WWOX: variants seen among roughly 807,000 people sequenced by gnomAD.
WWOX encodes the protein WW domain containing oxidoreductase.
WWOX carries 69 observed loss-of-function variants against 46.2 expected under a neutral mutation model. The ratio of observed to expected loss-of-function variants is 1.49; its 90% CI spans 1.23 to 1.82. WWOX has a LOEUF of 1.82. Ranked by LOEUF, WWOX falls within the 40% of genes most tolerant of loss-of-function variation. The probability of loss-of-function intolerance (pLI) is 0.00; values close to 1 mark genes in which losing one functional copy is unlikely to be tolerated. For missense variants in WWOX, 919 were observed against 542.6 expected (o/e 1.69, Z -6.89); for synonymous variants, 359 against 202.6 (o/e 1.77, Z -6.56).
chr16:78,561,485 T>A (rs1014731320), intron 8 of WWOX, among the ~76,000 whole-genome samples: 1 of 152,120 alleles, frequency 6.6e-6, no homozygotes, highest in Non-Finnish European at 1.5e-5. Context: ...TGACAGTACC[T>A]AGAGTATGAA....
chr16:78,802,915 G>GA lies in WWOX; in HGVS notation c.1056+370190dup, dbSNP rs71376394. On this transcript the variant is annotated intron_variant, in intron 8 of 8. Transcript: ENST00000566780. ...TGGGTCACAGAGCAAGACTTCATCT[G>GA]AAAAAAAAAAAAAAAAAAAAAAAAA... Among the ~76,000 whole-genome samples, 65 of 10,436 alleles carry GA rather than the reference G, an allele frequency of 6.2e-3. 7 individuals are homozygous for GA. The highest frequency in any genetic ancestry group is 0.013 in the East Asian group (5 of 398). The allele number at this position is 10,436 out of a possible 152,430, so 6.8% of individuals were successfully genotyped here.
intron 8 of WWOX, among the ~76,000 whole-genome samples, chr16:79,189,325 G>T (rs1425159394): frequency 6.6e-6 from 1 of 151,342 alleles, no homozygotes; most frequent in African/African-American, 2.4e-5. Context: ...TGTCACCATT[G>T]TGGCTCACTG....
At chr16:78,571,645 G>T (rs915736893) in intron 8 of WWOX, among the ~76,000 whole-genome samples, 1 of 152,136 alleles carries the variant, frequency 6.6e-6, no homozygotes, top group South Asian at 2.1e-4. Context: ...AAGGCAGGTG[G>T]ATTACTTGAG....
chr16:78,246,429 A>G (rs189004145), intron 5 of WWOX, among the ~76,000 whole-genome samples: 4 of 152,114 alleles, frequency 2.6e-5, no homozygotes, highest in African/African-American at 4.8e-5. Context: ...TACTGCTAAT[A>G]TATTCTTTAA....
At chr16:79,054,510 GA>G (rs1286457660) in intron 8 of WWOX, among the ~76,000 whole-genome samples, 1 of 152,072 alleles carries the variant, frequency 6.6e-6, no homozygotes, top group Non-Finnish European at 1.5e-5. Context: ...TTAATTTCTG[GA>G]ACTAATTACA....
chr16:78,984,816 C>T (rs905216074), intron 8 of WWOX, among the ~76,000 whole-genome samples: 5 of 152,084 alleles, frequency 3.3e-5, no homozygotes, highest in African/African-American at 9.7e-5. Context: ...AGGTAAGGAA[C>T]GTGTGCAGGG....
intron 1 of WWOX, among the ~76,000 whole-genome samples, chr16:78,106,686 G>T (rs185176547): frequency 1.0e-3 from 152 of 152,266 alleles, no homozygotes; most frequent in Non-Finnish European, 1.9e-3. Flanking sequence ...GAAGTACTGG[G>T]ATTACAGACA....
intron 8 of WWOX, among the ~76,000 whole-genome samples, chr16:78,833,108 C>T (rs2051877108): frequency 6.6e-6 from 1 of 150,758 alleles, no homozygotes. Context: ...GTGGTACAAT[C>T]AGAGATCACT....
chr16:78,474,257 C>G (rs1440813699), intron 8 of WWOX, among the ~76,000 whole-genome samples: 1 of 152,172 alleles, frequency 6.6e-6, no homozygotes, highest in Non-Finnish European at 1.5e-5. Context: ...TCATACTAAC[C>G]TGGGACATTT....
At chr16:78,346,616 A>G (rs1159429843) in intron 5 of WWOX, among the ~76,000 whole-genome samples, 1 of 119,926 alleles carries the variant, frequency 8.3e-6, no homozygotes, top group African/African-American at 2.8e-5. Flanking sequence ...ATTTTGTTGT[A>G]TATTTTTTTT....
chr16:78,146,583 G>A (rs981904294), intron 4 of WWOX, among the ~76,000 whole-genome samples: 1 of 152,114 alleles, frequency 6.6e-6, no homozygotes, highest in Admixed American at 6.5e-5. Flanking sequence ...TTCAAAATTG[G>A]TGTATTTCAC....
chr16:78,446,514 G>A (rs2083564202), intron 8 of WWOX, among the ~76,000 whole-genome samples: 1 of 152,000 alleles, frequency 6.6e-6, no homozygotes, highest in Non-Finnish European at 1.5e-5. Flanking sequence ...GCCAGCAAGT[G>A]TTAGATTATT....
At chr16:79,082,377 T>A (rs1009266952) in intron 8 of WWOX, among the ~76,000 whole-genome samples, 1 of 152,100 alleles carries the variant, frequency 6.6e-6, no homozygotes, top group African/African-American at 2.4e-5. Flanking sequence ...TAATACCAAC[T>A]GCATGGATTT....
Position 78,796,455 on chromosome 16 carries a change from C to G in WWOX, c.1056+363703C>G, listed in dbSNP as rs555766761. On this transcript the variant is annotated intron_variant, in intron 8 of 8. Transcript: ENST00000566780. Reference sequence around the variant, plus strand: ...ATTGGCCAGAATTCAGTCACATGATCACAACCAACTGCAAGGGATTCTGGG... The same window carrying G: ...ATTGGCCAGAATTCAGTCACATGATGACAACCAACTGCAAGGGATTCTGGG... 3.8e-4 allele frequency among the ~76,000 whole-genome samples: 58 copies of G among 152,374 alleles called. 1 individual carries two copies. Among genetic ancestry groups the G allele is most frequent in the African/African-American group, 1.4e-3 (57 of 41,592 alleles).
rs570282561 is a variant in WWOX, at chr16:79,179,354, C to G, written c.1057-32254C>G. On this transcript the variant is annotated intron_variant, in intron 8 of 8. Coordinates refer to ENST00000566780, the MANE Select transcript of WWOX (RefSeq NM_016373.4). The stretch of plus-strand genomic sequence containing the variant: ...CATGAGAGGTACTCTTAGCAAATCA[C>G]GCCTTATTCCTAGGCAGACTTCTTG... Among the ~76,000 whole-genome samples the G allele has an allele frequency of 2.0e-3, 301 of 152,294 alleles. 1 individual carries two copies. Among genetic ancestry groups the G allele is most frequent in the African/African-American group, 6.7e-3 (277 of 41,542 alleles).
At chr16:79,075,773 T>C (rs955091443) in intron 8 of WWOX, among the ~76,000 whole-genome samples, 5 of 152,100 alleles carry the variant, frequency 3.3e-5, no homozygotes, top group African/African-American at 1.2e-4. Context: ...TCAAGTAAGG[T>C]AATGGAAGCA....
At chr16:79,081,809 A>C (rs373831908) in intron 8 of WWOX, among the ~76,000 whole-genome samples, 138 of 152,020 alleles carry the variant, frequency 9.1e-4, no homozygotes, top group African/African-American at 3.3e-3. Context: ...CCAGCAGAAG[A>C]CCTGTCGTGC....
chr16:78,638,416 T>G (rs1191124358), intron 8 of WWOX, among the ~76,000 whole-genome samples: 2 of 152,148 alleles, frequency 1.3e-5, no homozygotes, highest in Non-Finnish European at 2.9e-5. Flanking sequence ...CGCTACCACC[T>G]TCCACCACCA....
At chr16:78,211,254 C>T (rs1356012144) in intron 5 of WWOX, among the ~76,000 whole-genome samples, 2 of 152,180 alleles carry the variant, frequency 1.3e-5, no homozygotes, top group African/African-American at 4.8e-5. Context: ...GATGGTAGAA[C>T]CGCTGGAGAC....
Sources: gnomAD v4.1 joint callset for allele counts (sites outside exome capture counted in the v4.1 genomes callset) on GRCh38, gnomAD v4.1.1 for gene constraint, MANE v1.5 for transcripts, NCBI Gene and HGNC (gene_info 2026-07-23, HGNC 2026-07-21) for gene names.